Variants in CFAP20DC observed in about 807,000 individuals in gnomAD.
The protein encoded by CFAP20DC is CFAP20 domain containing.
In CFAP20DC, 84 loss-of-function variants were observed where a neutral mutation model predicts 101.7. That is an observed-to-expected ratio of 0.83 (90% CI 0.69 to 0.99). The LOEUF (loss-of-function observed/expected upper bound fraction) is 0.99, where lower values mean the gene tolerates loss of function less well. Ranked by LOEUF, CFAP20DC falls within the 50% of genes least tolerant of loss-of-function variation. The pLI, the probability that CFAP20DC is intolerant of heterozygous loss-of-function variation, is 0.00. For synonymous variants in CFAP20DC, 359 were observed against 351.2 expected (o/e 1.02, Z -0.25); for missense variants, 1,007 against 970.3 (o/e 1.04, Z -0.50).
chr3:58,933,977 C>A (rs1277239591), intron 5 of CFAP20DC, among the ~76,000 whole-genome samples: 1 of 151,954 alleles, frequency 6.6e-6, no homozygotes, highest in Admixed American at 6.6e-5. Context: ...ATTAATGAAT[C>A]CAGGAGCTGG....
chr3:59,003,285 T>C (rs1312181517), intron 4 of CFAP20DC, among the ~76,000 whole-genome samples: 1 of 152,134 alleles, frequency 6.6e-6, no homozygotes, highest in Admixed American at 6.5e-5. Flanking sequence ...GCACATCTAT[T>C]AAACAGAAAC....
At chr3:58,934,633 A>T (rs934825356) in intron 5 of CFAP20DC, among the ~76,000 whole-genome samples, 17 of 152,202 alleles carry the variant, frequency 1.1e-4, no homozygotes, top group Non-Finnish European at 4.4e-5. Context: ...CAAATCAATA[A>T]ATGTAATCCA....
chr3:58,803,877 A>G (rs1396250456), intron 15 of CFAP20DC, among the ~76,000 whole-genome samples: 1 of 152,260 alleles, frequency 6.6e-6, no homozygotes, highest in Non-Finnish European at 1.5e-5. Context: ...TTGGTTGCAT[A>G]AGATAATGCT....
chr3:58,901,828 A>C (rs906559294), intron 6 of CFAP20DC, among the ~76,000 whole-genome samples: 1 of 152,224 alleles, frequency 6.6e-6, no homozygotes, highest in Non-Finnish European at 1.5e-5. Flanking sequence ...TAGTACATTC[A>C]TAATGTTGTG....
intron 14 of CFAP20DC, among the ~76,000 whole-genome samples, chr3:58,827,641 G>A (rs987498170): frequency 1.3e-5 from 2 of 152,078 alleles, no homozygotes; most frequent in Non-Finnish European, 2.9e-5. Flanking sequence ...TGGCTTAACT[G>A]TTGTCTTCTC....
intron 16 of CFAP20DC, among the ~76,000 whole-genome samples, chr3:58,751,250 G>T (rs138415050): frequency 2.0e-5 from 3 of 152,280 alleles, no homozygotes; most frequent in Non-Finnish European, 4.4e-5. Context: ...GACAAATCAA[G>T]ATTTAGAAAC....
chr3:58,828,487 G>C (rs541379063), intron 14 of CFAP20DC, among the ~76,000 whole-genome samples: 1 of 152,280 alleles, frequency 6.6e-6, no homozygotes, highest in East Asian at 1.9e-4. Flanking sequence ...GTGAAATCAT[G>C]TCCTTTGCAG....
chr3:58,893,423 A>G (rs2082415296), intron 6 of CFAP20DC, among the ~76,000 whole-genome samples: 1 of 152,174 alleles, frequency 6.6e-6, no homozygotes, highest in South Asian at 2.1e-4. Flanking sequence ...GGTTCTGTGT[A>G]TGTGATGAAT....
chr3:58,850,368 C>A (rs149419184), intron 12 of CFAP20DC, among the ~76,000 whole-genome samples: 14 of 152,060 alleles, frequency 9.2e-5, no homozygotes, highest in Non-Finnish European at 1.3e-4. Flanking sequence ...AGGTGGATCA[C>A]CTGAGGTCGG....
intron 15 of CFAP20DC, among the ~76,000 whole-genome samples, chr3:58,772,898 GCCC>G (rs756797473): frequency 6.6e-6 from 1 of 152,098 alleles, no homozygotes; most frequent in Non-Finnish European, 1.5e-5. Context: ...TCTGAAGAAT[GCCC>G]AAGAAACTGT....
Position 58,862,092 on chromosome 3 carries a change from G to A in CFAP20DC, c.1593+1466C>T, listed in dbSNP as rs989827259. ...ATGGAAGAGGTAAGTTCTTCATGTG[G>A]TGTATTTAAAGGGCAGATTATCCAT... On this transcript the variant is annotated intron_variant, in intron 12 of 16. Coordinates refer to ENST00000482387, the MANE Select transcript of CFAP20DC (RefSeq NM_001394063.1). 3.1e-6 allele frequency: 3 copies of A among 956,518 alleles called. No homozygotes were observed. In the African/African-American group the frequency reaches 5.3e-5, roughly 17 times the overall value. 59.3% of individuals were successfully genotyped at this position (956,518 alleles called of 1,614,324 possible). A position where few individuals can be genotyped will look rare whatever the true frequency, so the allele number is the denominator to read the frequency against.
At chr3:58,841,677 G>C (rs910601125) in intron 13 of CFAP20DC, among the ~76,000 whole-genome samples, 2 of 152,162 alleles carry the variant, frequency 1.3e-5, no homozygotes, top group Admixed American at 6.5e-5. Context: ...TTCAAAAATG[G>C]AGATGTGAAG....
At position 58,785,369 on chromosome 3, in the gene CFAP20DC, T is replaced by C. The variant is rs558495038; in HGVS notation, c.2237+21026A>G. 1.1e-4 allele frequency among the ~76,000 whole-genome samples: 17 copies of C among 152,148 alleles called. 1 individual carries two copies. In the South Asian group the frequency reaches 3.3e-3, roughly 30 times the overall value. On this transcript the variant is annotated intron_variant, in intron 15 of 16. Transcript: ENST00000482387. Reference sequence around the variant, plus strand: ...AGAAGGTATAAATTCCAAAGTTTGATAGCAGAGTAAGGTAACTATATTTAG... The same window carrying C: ...AGAAGGTATAAATTCCAAAGTTTGACAGCAGAGTAAGGTAACTATATTTAG...
chr3:58,845,139 A>T, intron 13 of CFAP20DC, among the ~76,000 whole-genome samples: 2 of 151,230 alleles, frequency 1.3e-5, no homozygotes, highest in African/African-American at 4.9e-5. Flanking sequence ...AAAAGCTAGC[A>T]GAAGGCGAGA....
In CFAP20DC at chr3:58,964,754, G is replaced by A. The variant is rs536865595; in HGVS notation, c.279-26992C>T. 7.2e-5 allele frequency among the ~76,000 whole-genome samples: 11 copies of A among 152,084 alleles called. No individual in the cohort carries two copies. The highest frequency in any genetic ancestry group is 6.2e-4 in the South Asian group (3 of 4,802). ...TGACAAAATATTTCTAACCTAAAAC[G>A]GAACCATAATTAACATAGCTCCTAT... On this transcript the variant is annotated intron_variant, in intron 4 of 16. Transcript: ENST00000482387. The surrounding 1 kb of genome is among the most constrained non-coding windows in gnomAD (Gnocchi z 4.1).
chr3:58,977,728 TAAAA>T (rs57717110), intron 4 of CFAP20DC, among the ~76,000 whole-genome samples: 1 of 116,476 alleles, frequency 8.6e-6, no homozygotes. Flanking sequence ...AGTGGCGAAG[TAAAA>T]AAAAAAAAAA....
intron 3 of CFAP20DC, chr3:58,725,795 G>C: frequency 5.1e-6 from 1 of 194,320 alleles, no homozygotes; most frequent in Non-Finnish European, 1.1e-5. Flanking sequence ...TTTTTAGTAT[G>C]GTAATGAGGA....
intron 16 of CFAP20DC, among the ~76,000 whole-genome samples, chr3:58,747,587 C>A (rs2068293183): frequency 1.3e-5 from 2 of 152,090 alleles, no homozygotes; most frequent in Non-Finnish European, 1.5e-5. Context: ...AATGTATTTT[C>A]TCTCCTATAG....
chr3:58,931,027 G>A (rs2086585932), intron 5 of CFAP20DC, among the ~76,000 whole-genome samples: 1 of 152,162 alleles, frequency 6.6e-6, no homozygotes, highest in Admixed American at 6.5e-5. Flanking sequence ...AAAAGAAAGG[G>A]GTGACAAATG....
Sources: gnomAD v4.1 joint callset for allele counts (sites outside exome capture counted in the v4.1 genomes callset) on GRCh38, gnomAD v4.1.1 for gene constraint, Gnocchi (gnomAD v3.1) non-coding constraint, MANE v1.5 for transcripts, NCBI Gene and HGNC (gene_info 2026-07-23, HGNC 2026-07-21) for gene names.